Variants in NCOA7 observed in about 807,000 individuals in gnomAD.
The protein encoded by NCOA7 is 140 kDa estrogen receptor-associated protein.
NCOA7 carries 45 observed loss-of-function variants against 104.3 expected under a neutral mutation model. The observed-to-expected ratio is 0.43, with a 90% CI of 0.34 to 0.55. The LOEUF is 0.55. Among genes scored for constraint, NCOA7 ranks in the 20% least tolerant of loss-of-function variants. The pLI is 0.02. For synonymous variants in NCOA7, 398 were observed against 402.3 expected (o/e 0.99, Z 0.13); for missense variants, 1,041 against 1,119.7 (o/e 0.93, Z 1.00).
At chr6:125,856,603 G>A (rs939934109) in intron 3 of NCOA7, among the ~76,000 whole-genome samples, 2 of 152,008 alleles carry the variant, frequency 1.3e-5, no homozygotes, top group East Asian at 3.9e-4. Flanking sequence ...CTAAGAGATG[G>A]GGCCTCCCAA....
intron 3 of NCOA7, among the ~76,000 whole-genome samples, chr6:125,857,120 CTG>C (rs1198907470): frequency 1.3e-5 from 2 of 152,178 alleles, no homozygotes; most frequent in Non-Finnish European, 2.9e-5. Flanking sequence ...AAAGCTATAA[CTG>C]TCAACCTGTT....
chr6:125,880,645 A>G (rs1345353889), intron 5 of NCOA7, among the ~76,000 whole-genome samples: 1 of 151,942 alleles, frequency 6.6e-6, no homozygotes. Flanking sequence ...CTCCTGCCTC[A>G]GCCTCCCCGA....
chr6:125,784,951 G>A (rs1470819417), intron 1 of NCOA7, among the ~76,000 whole-genome samples: 1 of 151,782 alleles, frequency 6.6e-6, no homozygotes, highest in African/African-American at 2.4e-5. Flanking sequence ...GTATTTTATT[G>A]TGGTGGTGAT....
chr6:125,853,211 G>A (rs959843976), intron 2 of NCOA7, among the ~76,000 whole-genome samples: 2 of 151,988 alleles, frequency 1.3e-5, no homozygotes, highest in Non-Finnish European at 2.9e-5. Context: ...TGTCAGCTTG[G>A]TCATTGTTGC....
chr6:125,798,689 A>G (rs780605452), intron 1 of NCOA7, among the ~76,000 whole-genome samples: 1 of 152,242 alleles, frequency 6.6e-6, no homozygotes, highest in Non-Finnish European at 1.5e-5. Context: ...TTTGCATAGA[A>G]AACAGGAAAG....
chr6:125,899,687 T>C (rs1785322804), intron 10 of NCOA7, among the ~76,000 whole-genome samples: 1 of 152,212 alleles, frequency 6.6e-6, no homozygotes, highest in South Asian at 2.1e-4. Context: ...ATTTTATGTT[T>C]TAAAGTGACA....
chr6:125,879,715 T>G (rs932679056), intron 5 of NCOA7, among the ~76,000 whole-genome samples: 1 of 152,094 alleles, frequency 6.6e-6, no homozygotes, highest in Non-Finnish European at 1.5e-5. Context: ...AGATTATATT[T>G]GGCCGGGCAC....
At chr6:125,824,515 G>A (rs887410504) in intron 2 of NCOA7, among the ~76,000 whole-genome samples, 1 of 152,096 alleles carries the variant, frequency 6.6e-6, no homozygotes, top group African/African-American at 2.4e-5. Context: ...TAAAAAATAA[G>A]CACTAAATAA....
intron 13 of NCOA7, among the ~76,000 whole-genome samples, chr6:125,926,098 G>A (rs1168492112): frequency 1.3e-5 from 2 of 152,040 alleles, no homozygotes; most frequent in East Asian, 3.9e-4. Context: ...ATCACCTGAG[G>A]CCAGGAGTTC....
chr6:125,914,808 G>A (rs1262515928), intron 10 of NCOA7, among the ~76,000 whole-genome samples: 1 of 152,166 alleles, frequency 6.6e-6, no homozygotes, highest in Non-Finnish European at 1.5e-5. Flanking sequence ...GAACATTCCT[G>A]CGTCAATAAA....
chr6:125,874,873 A>G lies in NCOA7; in HGVS notation c.272-16A>G. Reference sequence around the variant, plus strand: ...TGAAAATGAAATTATTCATTTACATACAATTTATTCTTCAGATGACAATCA... The same window carrying G: ...TGAAAATGAAATTATTCATTTACATGCAATTTATTCTTCAGATGACAATCA... On this transcript the variant is annotated splice_polypyrimidine_tract_variant and intron_variant, in intron 3 of 15. Transcript: ENST00000392477. The G allele has an allele frequency of 6.3e-7, 1 of 1,593,706 alleles. No individual in the cohort carries two copies. Among genetic ancestry groups the G allele is most frequent in the Non-Finnish European group, 8.6e-7 (1 of 1,161,856 alleles).
intron 1 of NCOA7, among the ~76,000 whole-genome samples, chr6:125,801,404 G>A (rs1008202729): frequency 2.6e-5 from 4 of 152,148 alleles, no homozygotes; most frequent in Non-Finnish European, 5.9e-5. Flanking sequence ...ATAAGAGAAC[G>A]TGGCAGAATG....
intron 2 of NCOA7, among the ~76,000 whole-genome samples, chr6:125,843,281 G>T (rs1780325205): frequency 6.6e-6 from 1 of 152,170 alleles, no homozygotes; most frequent in South Asian, 2.1e-4. Context: ...CAGTAATATA[G>T]CTCTAGAAGC....
chr6:125,907,269 C>T (rs544128971), intron 10 of NCOA7, among the ~76,000 whole-genome samples: 120 of 152,350 alleles, frequency 7.9e-4, no homozygotes, highest in African/African-American at 2.6e-3. Context: ...TGCCCCATTG[C>T]AGATGTACCT....
intron 2 of NCOA7, among the ~76,000 whole-genome samples, chr6:125,827,188 CAAAAAAAAAAAAA>C (rs66522338): frequency 0.5 from 40,527 of 80,730 alleles, 7,461 homozygotes; most frequent in East Asian, 0.62. Flanking sequence ...AACTCCATCT[CAAAAAAAAAAAAA>C]AAAAAAAAAA....
At chr6:125,784,463 A>G (rs1774368444) in intron 1 of NCOA7, among the ~76,000 whole-genome samples, 2 of 152,274 alleles carry the variant, frequency 1.3e-5, no homozygotes, top group African/African-American at 4.8e-5. Flanking sequence ...TAGCCACTCT[A>G]GAAAATAGTT....
At chr6:125,858,369 A>AGTG (rs1480044678) in intron 3 of NCOA7, among the ~76,000 whole-genome samples, 1 of 152,166 alleles carries the variant, frequency 6.6e-6, no homozygotes, top group East Asian at 1.9e-4. Context: ...GGCCAGGCTC[A>AGTG]GTGGTTCACA....
chr6:125,803,944 AT>A (rs200387680), intron 1 of NCOA7, among the ~76,000 whole-genome samples: 8,523 of 145,942 alleles, frequency 0.058, 758 homozygotes, highest in African/African-American at 0.19. Flanking sequence ...TACTGCTCAC[AT>A]TTTTTTTTTT....
intron 2 of NCOA7, among the ~76,000 whole-genome samples, chr6:125,847,725 A>G (rs1297331609): frequency 6.6e-6 from 1 of 152,254 alleles, no homozygotes; most frequent in African/African-American, 2.4e-5. Context: ...AGGCAATGCC[A>G]TTCAGGACAG....
Sources: allele counts gnomAD v4.1 joint callset (sites outside exome capture counted in the v4.1 genomes callset), GRCh38; gene constraint gnomAD v4.1.1; transcripts MANE v1.5; gene names NCBI Gene and HGNC (gene_info 2026-07-23, HGNC 2026-07-21).